Variants in CROCC observed in about 807,000 individuals in gnomAD.
CROCC encodes rootletin.
In CROCC, 180 loss-of-function variants were observed where a neutral mutation model predicts 245.2. The ratio of observed to expected loss-of-function variants is 0.73; its 90% confidence interval spans 0.65 to 0.83. The LOEUF (loss-of-function observed/expected upper bound fraction) is 0.83. Ranked by LOEUF, CROCC falls within the 40% of genes least tolerant of loss-of-function variation. The probability of loss-of-function intolerance (pLI) is 0.00; values close to 1 mark genes in which losing one functional copy is unlikely to be tolerated. For missense variants in CROCC, 2,688 were observed against 2,779.4 expected, an observed-to-expected ratio of 0.97 and a Z score of 0.74; for synonymous variants, 1,205 against 1,241.6, an observed-to-expected ratio of 0.97 and a Z score of 0.62.
Position 16,970,671 on chromosome 1 carries a change from A to C in CROCC, c.5688A>C (p.Thr1896=), listed in dbSNP as rs1483725361. The change falls in exon 35 of 37, where the codon ACA becomes ACC. Residue 1896 remains threonine, a synonymous_variant. Transcript: ENST00000375541. ...EREKLRSHED[T]VRLSAEKGRL... is the part of the protein sequence containing the mutation. ...AGAAGCTTCGTAGCCATGAGGACAC[A>C]GTGCGGCTGAGCGCAGAGAAGGGCC... 6.3e-7 allele frequency: 1 copy of C among 1,587,796 alleles called. No homozygotes were observed. The highest frequency in any genetic ancestry group is 1.4e-5 in the African/African-American group (1 of 73,970).
At position 16,939,873 on chromosome 1, in the gene CROCC, CT is replaced by C; in HGVS notation, c.1609-20del. Reference sequence around the variant, plus strand: ...GAGGCCTCTCAGGCCCCCCCAGACTCTGTGACCCCCCACACCCCAGGACATG... The same window carrying C: ...GAGGCCTCTCAGGCCCCCCCAGACTCGTGACCCCCCACACCCCAGGACATG... On this transcript the variant is annotated intron_variant, in intron 12 of 36. Coordinates refer to ENST00000375541, the MANE Select transcript of CROCC (RefSeq NM_014675.5). The C allele has an allele frequency of 1.2e-6, 2 of 1,610,994 alleles. No homozygotes were observed. Among genetic ancestry groups the C allele is most frequent in the Non-Finnish European group, 8.5e-7 (1 of 1,179,202 alleles).
At chr1:16,922,823 C>T (rs2075439830) in intron 2 of CROCC, 25 bp downstream of exon 2, 1 of 1,603,424 alleles carries the variant, frequency 6.2e-7, no homozygotes, top group Non-Finnish European at 8.5e-7. Context: ...CGCTCCCCTC[C>T]ACAAACACCA....
intron 26 of CROCC, among the ~76,000 whole-genome samples, chr1:16,960,435 G>A (rs1392591122): frequency 6.6e-6 from 1 of 152,220 alleles, no homozygotes; most frequent in Admixed American, 6.5e-5. Flanking sequence ...GATTCATAGA[G>A]TAGTAATTAG....
intron 3 of CROCC, 27 bp from the exon 4 acceptor site, chr1:16,929,819 A>G: frequency 6.6e-7 from 1 of 1,511,674 alleles, no homozygotes; most frequent in Non-Finnish European, 8.8e-7. Flanking sequence ...GAGGCCCAGG[A>G]CTCTCACCCA....
At position 16,945,448 on chromosome 1, in the gene CROCC, C is replaced by T. The variant is rs367831980; in HGVS notation, c.1992-14C>T. 76 of 1,611,306 alleles carry T rather than the reference C, an allele frequency of 4.7e-5. No individual in the cohort carries two copies. The highest frequency in any genetic ancestry group is 2.2e-5 in the East Asian group (1 of 44,892). On this transcript the variant is annotated splice_polypyrimidine_tract_variant and intron_variant, in intron 14 of 36. Transcript: ENST00000375541. ...AAAGTGACATGGGCCACCCACCCAC[C>T]CTTTGTCCCACAGCCATAGACAACT... is the stretch of plus-strand genomic sequence containing the variant.
chr1:16,961,187 C>T (rs1339991698), intron 27 of CROCC, 57 bp downstream of exon 27: 2 of 1,255,134 alleles, frequency 1.6e-6, no homozygotes, highest in Non-Finnish European at 2.0e-6. Context: ...CACTGAGGCC[C>T]CGCCCCCACA....
chr1:16,926,780 C>T (rs550484417), intron 3 of CROCC, among the ~76,000 whole-genome samples: 145 of 152,346 alleles, frequency 9.5e-4, no homozygotes, highest in Middle Eastern at 3.4e-3. Flanking sequence ...TCCCTCGTGT[C>T]CATAGCAACC....
rs1488442464 is a variant in CROCC, at chr1:16,948,261, G to C, written c.2515-70G>C. The C allele has an allele frequency of 4.1e-6, 6 of 1,468,446 alleles. No individual in the cohort carries two copies. The African/African-American group carries it at 8.3e-5, about 20-fold the overall frequency. The allele number at this position is 1,468,446 out of a possible 1,614,324, so 91.0% of individuals were successfully genotyped here. On this transcript the variant is annotated intron_variant, in intron 17 of 36. Transcript: ENST00000375541. Reference sequence around the variant, plus strand: ...CTGCCAGGACTGGGTTAGGCCCAGAGTTGGGGTGCTGCACGATGAACAAGC... The same window carrying C: ...CTGCCAGGACTGGGTTAGGCCCAGACTTGGGGTGCTGCACGATGAACAAGC...
intron 23 of CROCC, 101 bp from the exon 24 acceptor site, chr1:16,955,211 G>A: frequency 8.8e-7 from 1 of 1,139,282 alleles, no homozygotes; most frequent in South Asian, 1.4e-5. Flanking sequence ...CACTGCAGAG[G>A]GATGGGGCAG....
chr1:16,953,311 T>C lies in CROCC; in HGVS notation c.3016T>C (p.Trp1006Arg). The C allele has an allele frequency of 1.3e-6, 2 of 1,585,910 alleles. No homozygotes were observed. Among genetic ancestry groups the C allele is most frequent in the Non-Finnish European group, 1.7e-6 (2 of 1,168,218 alleles). Residue 1006 changes from tryptophan (W) to arginine (R), a missense_variant, in exon 21 of 37, where the codon TGG (tryptophan) becomes CGG (arginine). Trp to Arg is a moderately radical substitution (Grantham distance 101). Transcript: ENST00000375541. ...GGTCCTGGCCCCCTAGGAGGCAGCATGGCGGGAGCTGGAGGCCGAGCGGGC... is the reference window on the plus strand; with the variant it reads ...GGTCCTGGCCCCCTAGGAGGCAGCACGGCGGGAGCTGGAGGCCGAGCGGGC... ...QRLQREKEAA[W>R]RELEAERAQL...
chr1:16,948,337 C>T lies in CROCC; in HGVS notation c.2521C>T (p.Arg841Trp), dbSNP rs780316430. 249 of 1,566,904 alleles carry T rather than the reference C, an allele frequency of 1.6e-4. No homozygotes were observed. Among genetic ancestry groups the T allele is most frequent in the Middle Eastern group, 4.4e-4 (2 of 4,540 alleles). The change falls in exon 18 of 37, where the codon CGG (arginine) becomes TGG (tryptophan). Residue 841 changes from arginine (R) to tryptophan (W), a missense_variant. By Grantham distance (101) the Arg-to-Trp change is moderately radical (BLOSUM62 -3). Around this residue, in one of 9 missense-constraint regions of CROCC, gnomAD observed 295 missense variants for 241.7 expected, o/e 1.22. Coordinates refer to ENST00000375541, the MANE Select transcript of CROCC (RefSeq NM_014675.5). Reference protein sequence around the residue: ...QLQEQLAQLSRQLSGREQELE... With the variant: ...QLQEQLAQLSWQLSGREQELE... ...GTCTCTGGGTGGGGGCCAGCTCTCC[C>T]GGCAGCTGAGCGGGCGGGAGCAGGA...
chr1:16,966,539 C>A lies in CROCC; in HGVS notation c.4828C>A (p.Gln1610Lys). The change falls in exon 30 of 37, where the codon CAG becomes AAG. Residue 1610 changes from glutamine (Q) to lysine (K), a missense_variant. Coordinates refer to ENST00000375541, the MANE Select transcript of CROCC (RefSeq NM_014675.5). This position sits in a 1 kb window ranked among gnomAD's most constrained non-coding sequence, Gnocchi z 4.8. ...DQVATLERSL[Q>K]ATESELRASQ... Reference sequence around the variant, plus strand: ...GGTGGCCACACTGGAGAGGAGCCTGCAGGCCACCGAGAGCGAGCTCCGGGC... The same window carrying A: ...GGTGGCCACACTGGAGAGGAGCCTGAAGGCCACCGAGAGCGAGCTCCGGGC... The A allele has an allele frequency of 1.3e-6, 2 of 1,495,138 alleles. No individual in the cohort carries two copies. Among genetic ancestry groups the A allele is most frequent in the Non-Finnish European group, 1.8e-6 (2 of 1,124,852 alleles). The allele number at this position is 1,495,138 out of a possible 1,614,324, so 92.6% of individuals were successfully genotyped here.
At chr1:16,946,194 T>C in intron 15 of CROCC, 65 bp from the exon 16 acceptor site, 5 of 1,554,722 alleles carry the variant, frequency 3.2e-6, no homozygotes, top group Non-Finnish European at 4.4e-6. Flanking sequence ...GGGTCTCTTC[T>C]TGGGCCTCCT....
intron 8 of CROCC, among the ~76,000 whole-genome samples, chr1:16,934,222 AC>A (rs1292519488): frequency 6.6e-6 from 1 of 152,252 alleles, no homozygotes; most frequent in African/African-American, 2.4e-5. Context: ...GGAATGAGGC[AC>A]TTTCTCTCCT....
At chr1:16,915,197 C>T (rs1407179422) in intron 1 of CROCC, among the ~76,000 whole-genome samples, 1 of 152,286 alleles carries the variant, frequency 6.6e-6, no homozygotes, top group Non-Finnish European at 1.5e-5. Context: ...CGCTGGTGTC[C>T]TTCCGTGATC....
At chr1:16,920,313 C>T (rs1366858675), upstream of CROCC, among the ~76,000 whole-genome samples, 1 of 152,206 alleles carries the variant, frequency 6.6e-6, no homozygotes, top group Non-Finnish European at 1.5e-5. Context: ...TCTTGACCTC[C>T]TGATCCGCCT....
chr1:16,951,123 G>A lies in CROCC; in HGVS notation c.3006+1G>A, dbSNP rs746216910. On this transcript the variant is annotated splice_donor_variant, in intron 20 of 36. Transcript: ENST00000375541. LOFTEE classifies it high-confidence loss of function. ...CTTACAGCGACTCCAGCGTGAAAAG[G>A]TTCAGGCAGCTGGGGAGGGGTGGGC... 2 of 1,522,954 alleles carry A rather than the reference G, an allele frequency of 1.3e-6. No homozygotes were observed. The highest frequency in any genetic ancestry group is 1.8e-6 in the Non-Finnish European group (2 of 1,134,334). 94.3% of individuals were successfully genotyped at this position (1,522,954 alleles called of 1,614,324 possible).
At chr1:16,961,249 A>G in intron 27 of CROCC, 119 bp downstream of exon 27, 1 of 1,003,564 alleles carries the variant, frequency 1.0e-6, no homozygotes. Flanking sequence ...AGCCCACCAC[A>G]CCTCTCCACT....
intron 3 of CROCC, 42 bp downstream of exon 3, chr1:16,924,521 C>G: frequency 6.3e-7 from 1 of 1,596,432 alleles, no homozygotes; most frequent in East Asian, 2.2e-5. Context: ...GGGTTCCCCT[C>G]GTTCAAGGGC....
Sources: allele counts gnomAD v4.1 joint callset (sites outside exome capture counted in the v4.1 genomes callset), GRCh38; gene constraint gnomAD v4.1.1; regional missense constraint gnomAD v4.1.1; non-coding constraint Gnocchi (gnomAD v3.1); transcripts MANE v1.5; gene names NCBI Gene and HGNC (gene_info 2026-07-23, HGNC 2026-07-21).